BLVRB: variants seen among roughly 807,000 people sequenced by gnomAD.
The protein encoded by BLVRB is flavin reductase (NADPH).
A neutral mutation model predicts 21.1 loss-of-function variants in BLVRB; 25 were observed. The ratio of observed to expected loss-of-function variants is 1.19; its 90% CI spans 0.86 to 1.66. The LOEUF is 1.66. Ranked by LOEUF, BLVRB falls within the 40% of genes most tolerant of loss-of-function variation. The probability of loss-of-function intolerance (pLI) is 0.00; values close to 1 mark genes in which losing one functional copy is unlikely to be tolerated. For missense variants in BLVRB, 274 were observed against 282.7 expected, an observed-to-expected ratio of 0.97 and a Z score of 0.22; for synonymous variants, 128 against 122.2, an observed-to-expected ratio of 1.05 and a Z score of -0.31.
intron 1 of BLVRB, 91 bp downstream of exon 1, chr19:40,465,519 C>T (rs1260637944): frequency 3.4e-6 from 5 of 1,491,126 alleles, no homozygotes; most frequent in African/African-American, 1.4e-5. Context: ...GCGCTCATGG[C>T]CCCAATCAGC....
intron 1 of BLVRB, among the ~76,000 whole-genome samples, chr19:40,459,698 G>A (rs921116479): frequency 5.3e-5 from 8 of 152,134 alleles, no homozygotes; most frequent in African/African-American, 1.7e-4. Flanking sequence ...AGCCTCCCGA[G>A]TAGCTGGGAC....
chr19:40,449,288 C>G (rs561364501), intron 4 of BLVRB, among the ~76,000 whole-genome samples: 1 of 151,898 alleles, frequency 6.6e-6, no homozygotes. Flanking sequence ...CTCTGTCACC[C>G]AGGCTGGAGT....
At position 40,447,986 on chromosome 19, in the gene BLVRB, A is replaced by G. The variant is rs748561718; in HGVS notation, c.524T>C (p.Val175Ala). The G allele has an allele frequency of 1.9e-6, 3 of 1,613,804 alleles. No homozygotes were observed. The highest frequency in any genetic ancestry group is 2.5e-6 in the Non-Finnish European group (3 of 1,179,940). Residue 175 changes from valine (V) to alanine (A), a missense_variant, in exon 5 of 5, where the codon GTC becomes GCC. Val to Ala is a moderately conservative substitution (Grantham distance 64). Transcript: ENST00000263368. ...ATGGCCCAGGTCATGTTTGGAGATG[A>G]CCCTTGAGGGCCCTCGTCCATCCAG... ...VTLDGRGPSR[V>A]ISKHDLGHFM...
intron 1 of BLVRB, among the ~76,000 whole-genome samples, chr19:40,462,892 CAAAAA>C (rs56923063): frequency 6.0e-5 from 3 of 49,858 alleles, no homozygotes; most frequent in Admixed American, 3.2e-4. Context: ...ACTCTTGTCT[CAAAAA>C]AAAAAAAAAA....
intron 4 of BLVRB, among the ~76,000 whole-genome samples, chr19:40,449,727 T>C (rs1395072131): frequency 2.0e-5 from 3 of 152,200 alleles, no homozygotes; most frequent in Non-Finnish European, 4.4e-5. Flanking sequence ...AAGCCAAATA[T>C]ACATATGCAT....
chr19:40,449,442 C>T (rs1305975134), intron 4 of BLVRB, among the ~76,000 whole-genome samples: 2 of 151,996 alleles, frequency 1.3e-5, no homozygotes, highest in East Asian at 3.9e-4. Context: ...GACGGGGTCT[C>T]ACCACGTTGG....
At chr19:40,448,850 G>A (rs571896987) in intron 4 of BLVRB, among the ~76,000 whole-genome samples, 12 of 151,928 alleles carry the variant, frequency 7.9e-5, no homozygotes, top group African/African-American at 2.4e-4. Flanking sequence ...TCAGCACTTC[G>A]GGAGGCCAAG....
intron 4 of BLVRB, among the ~76,000 whole-genome samples, chr19:40,449,531 C>G (rs1568735959): frequency 6.6e-6 from 1 of 152,152 alleles, no homozygotes; most frequent in East Asian, 1.9e-4. Context: ...CAGATGTGAG[C>G]CACCACGCTG....
chr19:40,461,910 C>T (rs182807404), intron 1 of BLVRB, among the ~76,000 whole-genome samples: 92 of 152,316 alleles, frequency 6.0e-4, no homozygotes, highest in Non-Finnish European at 1.1e-3. Context: ...TTTACCCGGT[C>T]CCCCCAGTAA....
chr19:40,465,489 T>TC (rs2079808599), intron 1 of BLVRB, 121 bp downstream of exon 1: 12 of 1,250,340 alleles, frequency 9.6e-6, no homozygotes, highest in South Asian at 6.5e-5. Context: ...GGCCCCTGAG[T>TC]CCTCATACAC....
Position 40,458,171 on chromosome 19 carries a change from G to C in BLVRB, c.318C>G (p.Val106=), listed in dbSNP as rs1181450690. ...AAMKAHGVDK[V]VACTSAFLLW... is the part of the protein sequence containing the mutation. ...ACCACCCACCCGAGGTGCAGGCCAC[G>C]ACCTTGTCCACACCATGAGCCTTCA... Residue 106 remains valine (V), a synonymous_variant, in exon 3 of 5, where the codon GTC becomes GTG. Transcript: ENST00000263368. The C allele has an allele frequency of 2.5e-6, 4 of 1,613,950 alleles. No individual in the cohort carries two copies. The highest frequency in any genetic ancestry group is 3.4e-6 in the Non-Finnish European group (4 of 1,179,930).
intron 3 of BLVRB, among the ~76,000 whole-genome samples, chr19:40,456,475 T>C (rs268694): frequency 0.4 from 59,935 of 150,844 alleles, 13,571 homozygotes; most frequent in African/African-American, 0.62. Context: ...CCTAAGACTT[T>C]AATATTTAGA....
chr19:40,453,331 C>T (rs1323441558), intron 3 of BLVRB, among the ~76,000 whole-genome samples: 1 of 152,114 alleles, frequency 6.6e-6, no homozygotes, highest in Non-Finnish European at 1.5e-5. Context: ...TCTCCCCCAG[C>T]CCAGTTTACC....
intron 4 of BLVRB, among the ~76,000 whole-genome samples, chr19:40,450,672 A>G (rs1029810225): frequency 2.1e-4 from 32 of 150,226 alleles, no homozygotes; most frequent in African/African-American, 7.6e-4. Context: ...GCCTCCCAGT[A>G]GCTGGGACCA....
chr19:40,454,289 T>G lies in BLVRB; in HGVS notation c.335-2797A>C, dbSNP rs180817389. Among the ~76,000 whole-genome samples, 1,054 of 151,968 alleles carry G rather than the reference T, an allele frequency of 6.9e-3. 10 individuals carry two copies. The highest frequency in any genetic ancestry group is 9.7e-3 in the Non-Finnish European group (661 of 67,916). ...GATTACAGGCGTGTGCCACCACACC[T>G]GGCTAGTTTTTGTATTTTTGGTAGA... On this transcript the variant is annotated intron_variant, in intron 3 of 4. Coordinates refer to ENST00000263368, the MANE Select transcript of BLVRB (RefSeq NM_000713.3).
At chr19:40,459,737 A>T (rs937921578) in intron 1 of BLVRB, among the ~76,000 whole-genome samples, 12 of 152,076 alleles carry the variant, frequency 7.9e-5, no homozygotes, top group African/African-American at 2.9e-4. Context: ...CATCCAACTA[A>T]TTTTTGTGTT....
intron 1 of BLVRB, among the ~76,000 whole-genome samples, chr19:40,464,624 C>A (rs577088987): frequency 6.6e-6 from 1 of 152,300 alleles, no homozygotes; most frequent in Non-Finnish European, 1.5e-5. Flanking sequence ...CGAATAAATG[C>A]TTATCAGCAA....
chr19:40,449,451 G>A (rs1210440167), intron 4 of BLVRB, among the ~76,000 whole-genome samples: 1 of 152,044 alleles, frequency 6.6e-6, no homozygotes, highest in Non-Finnish European at 1.5e-5. Context: ...TCACCACGTT[G>A]GCCAGGCTGG....
intron 1 of BLVRB, among the ~76,000 whole-genome samples, chr19:40,465,051 C>T (rs565375693): frequency 2.6e-5 from 4 of 152,166 alleles, no homozygotes; most frequent in African/African-American, 4.8e-5. Context: ...ATTAGGTACT[C>T]GCAGCAACCT....
Sources: gnomAD v4.1 joint callset for allele counts (sites outside exome capture counted in the v4.1 genomes callset) on GRCh38, gnomAD v4.1.1 for gene constraint, MANE v1.5 for transcripts, NCBI Gene and HGNC (gene_info 2026-07-23, HGNC 2026-07-21) for gene names.